The following FOXN3 variants were observed in gnomAD, a reference collection of about 807,000 sequenced individuals.
FOXN3 encodes forkhead box protein N3.
In FOXN3, 7 loss-of-function variants were observed where a neutral mutation model predicts 38.4. The ratio of observed to expected loss-of-function variants is 0.18; its 90% CI spans 0.10 to 0.34. The LOEUF (loss-of-function observed/expected upper bound fraction) is 0.34. FOXN3 is among the 10% of genes least tolerant of loss of function. The probability of loss-of-function intolerance (pLI) is 1.00; values close to 1 mark genes in which losing one functional copy is unlikely to be tolerated. For synonymous variants in FOXN3, 230 were observed against 242.2 expected (o/e 0.95, Z 0.47); for missense variants, 456 against 613.4 (o/e 0.74, Z 2.71).
At chr14:89,594,255 G>A (rs778076604) in intron 1 of FOXN3, among the ~76,000 whole-genome samples, 3 of 152,112 alleles carry the variant, frequency 2.0e-5, no homozygotes, top group African/African-American at 4.8e-5. Context: ...TACAGAATAC[G>A]CATATGTTCA....
At chr14:89,265,006 A>C (rs542893470) in intron 4 of FOXN3, among the ~76,000 whole-genome samples, 1 of 152,334 alleles carries the variant, frequency 6.6e-6, no homozygotes, top group East Asian at 1.9e-4. Context: ...ATTGAGTCCA[A>C]GAGGCACCAG....
At chr14:89,325,248 G>GACC (rs1187823867) in intron 3 of FOXN3, among the ~76,000 whole-genome samples, 21 of 19,958 alleles carry the variant, frequency 1.1e-3, no homozygotes, top group South Asian at 8.1e-3. Context: ...CCACCACCAC[G>GACC]ACCACCACCA....
intron 2 of FOXN3, among the ~76,000 whole-genome samples, chr14:89,403,938 A>C (rs1891316773): frequency 6.6e-6 from 1 of 152,246 alleles, no homozygotes; most frequent in African/African-American, 2.4e-5. Context: ...GGCATACAGC[A>C]GTGGAGTAAG....
chr14:89,541,907 A>G (rs1381158015), intron 1 of FOXN3, among the ~76,000 whole-genome samples: 1 of 152,170 alleles, frequency 6.6e-6, no homozygotes, highest in Non-Finnish European at 1.5e-5. Flanking sequence ...CATCAGCAAT[A>G]TTCTAAGATT....
At chr14:89,429,362 G>C (rs549500894) in intron 1 of FOXN3, among the ~76,000 whole-genome samples, 1 of 152,280 alleles carries the variant, frequency 6.6e-6, no homozygotes, top group East Asian at 1.9e-4. Context: ...TAAAACGCCT[G>C]GCACCATGTG....
At chr14:89,573,356 A>G (rs1895534265) in intron 1 of FOXN3, among the ~76,000 whole-genome samples, 1 of 152,216 alleles carries the variant, frequency 6.6e-6, no homozygotes, top group African/African-American at 2.4e-5. Flanking sequence ...AAAATCATAT[A>G]TCATCAAGTC....
chr14:89,487,256 T>G (rs1893465802), intron 1 of FOXN3, among the ~76,000 whole-genome samples: 1 of 152,224 alleles, frequency 6.6e-6, no homozygotes, highest in East Asian at 1.9e-4. Flanking sequence ...CATAATCATC[T>G]CTGAAGAAGA....
chr14:89,399,021 G>A (rs1471151264), intron 2 of FOXN3, among the ~76,000 whole-genome samples: 1 of 152,196 alleles, frequency 6.6e-6, no homozygotes, highest in African/African-American at 2.4e-5. Context: ...GTCTTCAAAT[G>A]ATCAAAGGCT....
chr14:89,333,966 G>GTGTATATATATC (rs1490383212), intron 3 of FOXN3, among the ~76,000 whole-genome samples: 2 of 131,584 alleles, frequency 1.5e-5, no homozygotes, highest in African/African-American at 5.8e-5. Context: ...AATGTGGTGT[G>GTGTATATATATC]TATATATATA....
chr14:89,436,824 A>G (rs1892284639), intron 1 of FOXN3, among the ~76,000 whole-genome samples: 1 of 152,190 alleles, frequency 6.6e-6, no homozygotes, highest in South Asian at 2.1e-4. Context: ...GGAGAAAAGT[A>G]CCAAATTATA....
At chr14:89,446,276 C>T (rs1383609736) in intron 1 of FOXN3, among the ~76,000 whole-genome samples, 2 of 148,910 alleles carry the variant, frequency 1.3e-5, no homozygotes, top group African/African-American at 2.5e-5. Flanking sequence ...GCAACCTCCA[C>T]CTCCTGGGTT....
intron 4 of FOXN3, among the ~76,000 whole-genome samples, chr14:89,259,386 C>T (rs2139889652): frequency 6.6e-6 from 1 of 152,188 alleles, no homozygotes; most frequent in Non-Finnish European, 1.5e-5. Context: ...ATCATGTTTC[C>T]CTCTTTGCTC....
intron 1 of FOXN3, among the ~76,000 whole-genome samples, chr14:89,513,905 T>TAC (rs58182379): frequency 0.015 from 2,296 of 149,590 alleles, 63 homozygotes; most frequent in East Asian, 0.12. Context: ...CTTTCTCTCT[T>TAC]ACACACACAC....
intron 1 of FOXN3, among the ~76,000 whole-genome samples, chr14:89,542,236 A>G (rs1224188920): frequency 6.6e-5 from 10 of 152,190 alleles, no homozygotes; most frequent in Non-Finnish European, 1.2e-4. Flanking sequence ...GCAAGAATCG[A>G]TATTATTATC....
At chr14:89,383,540 C>A (rs1041881623) in intron 2 of FOXN3, among the ~76,000 whole-genome samples, 1 of 152,238 alleles carries the variant, frequency 6.6e-6, no homozygotes. Flanking sequence ...AAGGAGCCGA[C>A]AGGACCTGGG....
At chr14:89,607,373 A>G (rs1414876149) in intron 1 of FOXN3, among the ~76,000 whole-genome samples, 1 of 152,112 alleles carries the variant, frequency 6.6e-6, no homozygotes, top group Non-Finnish European at 1.5e-5. Context: ...AGCCTGGCCA[A>G]CATGGTGAAA....
chr14:89,165,090 C>A (rs916233065), intron 5 of FOXN3, among the ~76,000 whole-genome samples: 2 of 152,166 alleles, frequency 1.3e-5, no homozygotes, highest in South Asian at 2.1e-4. Context: ...CCAACACTTA[C>A]AATGTGTGCA....
intron 2 of FOXN3, among the ~76,000 whole-genome samples, chr14:89,392,663 T>TG (rs1890984479): frequency 7.3e-6 from 1 of 137,656 alleles, no homozygotes; most frequent in Non-Finnish European, 1.5e-5. Context: ...TTTTTTGAGA[T>TG]GGAGTCTCAT....
chr14:89,552,016 A>G (rs1414160500), intron 1 of FOXN3, among the ~76,000 whole-genome samples: 2 of 152,256 alleles, frequency 1.3e-5, no homozygotes, highest in African/African-American at 2.4e-5. Flanking sequence ...TGCTGCTGTT[A>G]TCATGGTCTG....
Sources: allele counts gnomAD v4.1 joint callset (sites outside exome capture counted in the v4.1 genomes callset), GRCh38; gene constraint gnomAD v4.1.1; transcripts MANE v1.5; gene names NCBI Gene and HGNC (gene_info 2026-07-23, HGNC 2026-07-21).